FRMD4A: variants seen among roughly 807,000 people sequenced by gnomAD.
FRMD4A encodes FERM domain-containing protein 4A.
Under a neutral mutation model 129.1 loss-of-function variants are expected in FRMD4A, and 29 were observed. That is an observed-to-expected ratio of 0.22 (90% CI 0.17 to 0.31). FRMD4A has a LOEUF of 0.31. Ranked by LOEUF, FRMD4A falls within the 10% of genes least tolerant of loss-of-function variation. The probability of loss-of-function intolerance (pLI) is 1.00; values close to 1 mark genes in which losing one functional copy is unlikely to be tolerated. For synonymous variants in FRMD4A, 634 were observed against 571.6 expected, an observed-to-expected ratio of 1.11 and a Z score of -1.56; for missense variants, 1,272 against 1,375.8, an observed-to-expected ratio of 0.92 and a Z score of 1.19.
intron 2 of FRMD4A, among the ~76,000 whole-genome samples, chr10:14,169,148 G>A (rs1036491085): frequency 6.6e-6 from 1 of 151,520 alleles, no homozygotes; most frequent in Non-Finnish European, 1.5e-5. Flanking sequence ...GTCTGCATCA[G>A]CTCCTCCTGG....
At chr10:14,085,105 C>A (rs1348739221) in intron 2 of FRMD4A, among the ~76,000 whole-genome samples, 1 of 151,992 alleles carries the variant, frequency 6.6e-6, no homozygotes, top group African/African-American at 2.4e-5. Context: ...AAAGGGAATC[C>A]CACCTCCATC....
intron 3 of FRMD4A, among the ~76,000 whole-genome samples, chr10:13,833,975 A>T (rs1197391944): frequency 6.6e-6 from 1 of 151,984 alleles, no homozygotes; most frequent in Non-Finnish European, 1.5e-5. Flanking sequence ...AACACCAAGC[A>T]GGCCAGGCGC....
In FRMD4A at chr10:14,198,331, T is replaced by C. The variant is rs867135111; in HGVS notation, c.45+131727A>G. 7.9e-5 allele frequency among the ~76,000 whole-genome samples: 12 copies of C among 152,254 alleles called. No individual in the cohort carries two copies. In the South Asian group the frequency reaches 8.3e-4, roughly 11 times the overall value. On this transcript the variant is annotated intron_variant, in intron 2 of 24. Coordinates refer to ENST00000357447, the MANE Select transcript of FRMD4A (RefSeq NM_018027.5). ...ATTGGGACATCGGGCTGGAGAGACC[T>C]GGGATGTTGAGGCAACTGCCATGCA...
At chr10:14,039,055 A>G (rs1766435584) in intron 2 of FRMD4A, among the ~76,000 whole-genome samples, 1 of 152,162 alleles carries the variant, frequency 6.6e-6, no homozygotes, top group Admixed American at 6.5e-5. Flanking sequence ...ATTAATTAAC[A>G]TATTCAATAT....
intron 2 of FRMD4A, among the ~76,000 whole-genome samples, chr10:13,915,685 A>AT (rs1221477286): frequency 4.0e-5 from 6 of 151,282 alleles, no homozygotes; most frequent in Non-Finnish European, 8.8e-5. Flanking sequence ...AAAAAAAAAA[A>AT]AGTGGGCAGA....
chr10:13,675,361 A>AG (rs754226681), intron 15 of FRMD4A, among the ~76,000 whole-genome samples: 1 of 152,208 alleles, frequency 6.6e-6, no homozygotes, highest in East Asian at 1.9e-4. Flanking sequence ...TACACAAGAA[A>AG]GGGGGAAAGA....
At chr10:13,685,287 G>C (rs1397509020) in intron 15 of FRMD4A, 1 of 985,386 alleles carries the variant, frequency 1.0e-6, no homozygotes, top group Non-Finnish European at 1.2e-6. Context: ...GTCTCTGGAA[G>C]AGCTTTGCTT....
chr10:13,842,479 A>T (rs1012067066), intron 3 of FRMD4A, among the ~76,000 whole-genome samples: 1 of 152,122 alleles, frequency 6.6e-6, no homozygotes, highest in African/African-American at 2.4e-5. Flanking sequence ...TCTAAATCTC[A>T]CCAAAATCCT....
chr10:13,657,343 G>C lies in FRMD4A; in HGVS notation c.2246C>G (p.Ser749Trp), dbSNP rs767867054. Residue 749 changes from serine (S) to tryptophan (W), a missense_variant, in exon 22 of 25, where the codon TCG (serine) becomes TGG (tryptophan). Physicochemically the swap from Ser to Trp is radical, Grantham distance 177. This residue lies in a region of FRMD4A where 972 missense variants were observed against 892.3 expected (regional missense o/e 1.09). Transcript: ENST00000357447. ...NGSDPMDDCS[S>W]CTSHSSSEHY... The stretch of plus-strand genomic sequence containing the variant: ...CTCCGAGCTCGAGTGGCTGGTGCAC[G>C]ACGAGCAGTCGTCCATGGGGTCTGA... 3 of 1,608,948 alleles carry C rather than the reference G, an allele frequency of 1.9e-6. No individual in the cohort carries two copies. Among genetic ancestry groups the C allele is most frequent in the Non-Finnish European group, 1.7e-6 (2 of 1,179,058 alleles).
At chr10:14,191,856 T>A (rs1264879788) in intron 2 of FRMD4A, among the ~76,000 whole-genome samples, 8 of 151,332 alleles carry the variant, frequency 5.3e-5, no homozygotes, top group African/African-American at 1.9e-4. Flanking sequence ...TCATGAGTGA[T>A]TACAACTCTT....
chr10:13,760,685 A>C (rs2092033893), intron 8 of FRMD4A, among the ~76,000 whole-genome samples: 1 of 152,158 alleles, frequency 6.6e-6, no homozygotes, highest in Non-Finnish European at 1.5e-5. Flanking sequence ...AAATCCCTCA[A>C]AGCATGGGGA....
At chr10:14,226,086 C>A (rs1843425652) in intron 2 of FRMD4A, among the ~76,000 whole-genome samples, 1 of 152,182 alleles carries the variant, frequency 6.6e-6, no homozygotes, top group African/African-American at 2.4e-5. Context: ...GTAACGTTCT[C>A]TCTCAGGTCA....
rs539080510 is a variant in FRMD4A, at chr10:13,693,170, G to A, written c.1117+728C>T. ...ATTAGAGGTGTGAGCCACCGTGCCC[G>A]GCCACAATGCCCTTTTCTAACATTT... On this transcript the variant is annotated intron_variant, in intron 15 of 24. Transcript: ENST00000357447. The A allele has an allele frequency of 4.0e-4, 64 of 159,200 alleles. 1 individual carries two copies. In the South Asian group the frequency reaches 0.011, roughly 27 times the overall value. 9.9% of individuals were successfully genotyped at this position (159,200 alleles called of 1,614,324 possible).
At chr10:13,873,479 C>T (rs975650523) in intron 2 of FRMD4A, among the ~76,000 whole-genome samples, 3 of 152,194 alleles carry the variant, frequency 2.0e-5, no homozygotes, top group Non-Finnish European at 4.4e-5. Context: ...ATATTTCCAG[C>T]ATTTTTCGTG....
intron 2 of FRMD4A, among the ~76,000 whole-genome samples, chr10:14,254,250 A>T (rs1249860654): frequency 8.5e-5 from 13 of 152,200 alleles, no homozygotes; most frequent in Non-Finnish European, 2.9e-5. Flanking sequence ...CCAGAAACTC[A>T]TCACTATACA....
chr10:14,218,613 G>A (rs867276914), intron 2 of FRMD4A, among the ~76,000 whole-genome samples: 11 of 152,094 alleles, frequency 7.2e-5, no homozygotes, highest in Admixed American at 1.3e-4. Flanking sequence ...CGGTACTTTG[G>A]GAGGCCCAGG....
intron 2 of FRMD4A, among the ~76,000 whole-genome samples, chr10:14,255,377 G>A (rs60530874): frequency 3.5e-4 from 54 of 152,250 alleles, no homozygotes; most frequent in African/African-American, 1.2e-3. Flanking sequence ...GAAAACATAC[G>A]AGGCATGAAC....
At chr10:13,893,584 A>G (rs1445771080) in intron 2 of FRMD4A, among the ~76,000 whole-genome samples, 1 of 151,936 alleles carries the variant, frequency 6.6e-6, no homozygotes, top group Non-Finnish European at 1.5e-5. Context: ...GTGCAGTGGC[A>G]CAATCTCGGC....
chr10:14,275,434 C>T (rs960227232), intron 2 of FRMD4A, among the ~76,000 whole-genome samples: 1 of 152,178 alleles, frequency 6.6e-6, no homozygotes, highest in Non-Finnish European at 1.5e-5. Context: ...AATGTCCAGA[C>T]ACAACTTGTG....
Sources: gnomAD v4.1 joint callset for allele counts (sites outside exome capture counted in the v4.1 genomes callset) on GRCh38, gnomAD v4.1.1 for gene constraint, gnomAD v4.1.1 regional missense constraint, MANE v1.5 for transcripts, NCBI Gene and HGNC (gene_info 2026-07-23, HGNC 2026-07-21) for gene names.